ANP32A: variants seen among roughly 807,000 people sequenced by gnomAD.
ANP32A encodes acidic nuclear phosphoprotein 32 family member A.
Under a neutral mutation model 33.9 loss-of-function variants are expected in ANP32A, and 1 was observed. That is an observed-to-expected ratio of 0.03 (90% CI 0.01 to 0.14). The LOEUF is 0.14. Ranked by LOEUF, ANP32A falls within the 10% of genes least tolerant of loss-of-function variation. The probability of loss-of-function intolerance (pLI) is 1.00; values close to 1 mark genes in which losing one functional copy is unlikely to be tolerated. For missense variants in ANP32A, 155 were observed against 306.0 expected (o/e 0.51, Z 3.68); for synonymous variants, 115 against 120.5 (o/e 0.95, Z 0.30).
intron 3 of ANP32A, among the ~76,000 whole-genome samples, chr15:68,785,562 C>A (rs1893921117): frequency 6.6e-6 from 1 of 152,158 alleles, no homozygotes; most frequent in South Asian, 2.1e-4. Context: ...GCAGTTGAGA[C>A]CTGGGTCATT....
At chr15:68,787,228 T>C in intron 3 of ANP32A, 185 bp downstream of exon 3, 1 of 811,862 alleles carries the variant, frequency 1.2e-6, no homozygotes, top group Non-Finnish European at 1.9e-6. Context: ...TCAAGGTATT[T>C]AACTTCTCTG....
intron 1 of ANP32A, among the ~76,000 whole-genome samples, chr15:68,811,063 GAAA>G (rs34026847): frequency 2.5e-5 from 3 of 118,038 alleles, no homozygotes; most frequent in East Asian, 4.8e-4. Context: ...CTCTGTCTGG[GAAA>G]AAAAAAAAAA....
Position 68,820,632 on chromosome 15 carries a change from G to GCACACACACA in ANP32A, c.54+56_54+65dup, listed in dbSNP as rs35802209. The GCACACACACA allele has an allele frequency of 1.6e-5, 15 of 944,410 alleles. No individual in the cohort carries two copies. The Admixed American group carries it at 3.3e-4, about 21-fold the overall frequency. The allele number at this position is 944,410 out of a possible 1,614,324, so 58.5% of individuals were successfully genotyped here. On this transcript the variant is annotated intron_variant, in intron 1 of 6. Transcript: ENST00000465139. The stretch of plus-strand genomic sequence containing the variant: ...CAAAAAAAGTGCCTCCCCCCAGCGC[G>GCACACACACA]CACACACACACACACACACAAAGTA...
At chr15:68,817,636 G>C (rs1894401782) in intron 1 of ANP32A, 1 of 152,266 alleles carries the variant, frequency 6.6e-6, no homozygotes, top group African/African-American at 2.4e-5. Flanking sequence ...GCCTGCAGGA[G>C]GAACGGCGAA....
rs368410827 is a variant in ANP32A, at chr15:68,787,545, G to T, written c.205-10C>A. 21 of 1,614,122 alleles carry T rather than the reference G, an allele frequency of 1.3e-5. No homozygotes were observed. The African/African-American group carries it at 2.7e-4, about 20-fold the overall frequency. On this transcript the variant is annotated splice_polypyrimidine_tract_variant and intron_variant, in intron 2 of 6. Coordinates refer to ENST00000465139, the MANE Select transcript of ANP32A (RefSeq NM_006305.4). ...TATCGCTTAGTTCAAGCTAAATAAGGCAGGGAAAGAAAAAGCAGAAACAGC... is the reference window on the plus strand; with the variant it reads ...TATCGCTTAGTTCAAGCTAAATAAGTCAGGGAAAGAAAAAGCAGAAACAGC...
intron 1 of ANP32A, among the ~76,000 whole-genome samples, chr15:68,819,064 G>A (rs1271274408): frequency 6.6e-6 from 1 of 152,222 alleles, no homozygotes; most frequent in Non-Finnish European, 1.5e-5. Context: ...AAAGGATCTT[G>A]TTTTCAAAAG....
intron 1 of ANP32A, chr15:68,790,239 T>C (rs565487743): frequency 6.6e-6 from 1 of 152,360 alleles, no homozygotes; most frequent in East Asian, 1.9e-4. Context: ...ATGCGGTTTT[T>C]CTAGACGGGT....
At chr15:68,819,026 T>C (rs1894432972) in intron 1 of ANP32A, among the ~76,000 whole-genome samples, 1 of 152,196 alleles carries the variant, frequency 6.6e-6, no homozygotes, top group Non-Finnish European at 1.5e-5. Context: ...AGTCCACAGC[T>C]GCGTTAAGGC....
At chr15:68,783,100 G>C in intron 4 of ANP32A, 47 bp from the exon 5 acceptor site, 1 of 1,549,812 alleles carries the variant, frequency 6.5e-7, no homozygotes, top group Non-Finnish European at 8.7e-7. Flanking sequence ...TGGTGAGCTG[G>C]CTCCGCCCCC....
chr15:68,820,878 G>A lies in ANP32A; in HGVS notation c.-127C>T. The A allele has an allele frequency of 1.8e-6, 2 of 1,129,112 alleles. No individual in the cohort carries two copies. The highest frequency in any genetic ancestry group is 2.6e-6 in the Non-Finnish European group (2 of 774,302). 69.9% of individuals were successfully genotyped at this position (1,129,112 alleles called of 1,614,324 possible). A position where few individuals can be genotyped will look rare whatever the true frequency, so the allele number is the denominator to read the frequency against. ...GCTCCGCTCGGTTCTCGAGCCCCCA[G>A]CACCCGCGGCGCACACTAACCTGAT... On this transcript the variant is annotated 5_prime_UTR_variant, in exon 1 of 7. Transcript: ENST00000465139.
intron 1 of ANP32A, among the ~76,000 whole-genome samples, chr15:68,799,424 G>C (rs1894102495): frequency 6.6e-6 from 1 of 152,134 alleles, no homozygotes; most frequent in Non-Finnish European, 1.5e-5. Context: ...TTTAAAAAGA[G>C]TGCAGGTTGA....
intron 1 of ANP32A, among the ~76,000 whole-genome samples, chr15:68,812,418 T>C (rs915421621): frequency 1.3e-5 from 2 of 152,000 alleles, no homozygotes; most frequent in African/African-American, 2.4e-5. Flanking sequence ...ACCAGGAACG[T>C]TGGAAGGCAC....
In ANP32A at chr15:68,807,358, GA is replaced by G. The variant is rs550697137; in HGVS notation, c.54+13339del. Among the ~76,000 whole-genome samples, 464 of 145,410 alleles carry G rather than the reference GA, an allele frequency of 3.2e-3. 1 individual carries two copies. Among genetic ancestry groups the G allele is most frequent in the African/African-American group, 0.011 (453 of 41,026 alleles). ...AGCCAGCGCGACAGCCCCCACCCCA[GA>G]AGAGGCCCGGGGCAAGGGGATGCCT... On this transcript the variant is annotated intron_variant, in intron 1 of 6. Coordinates refer to ENST00000465139, the MANE Select transcript of ANP32A (RefSeq NM_006305.4).
chr15:68,805,351 G>A (rs923294894), intron 1 of ANP32A, among the ~76,000 whole-genome samples: 4 of 152,206 alleles, frequency 2.6e-5, no homozygotes, highest in African/African-American at 9.6e-5. Context: ...TGCCTTACCT[G>A]GAGGGCTGAT....
intron 1 of ANP32A, chr15:68,812,853 G>A (rs1007230421): frequency 1.3e-5 from 2 of 152,154 alleles, no homozygotes; most frequent in South Asian, 2.1e-4. Flanking sequence ...CAGAAAGTTC[G>A]AAAGCCACTG....
chr15:68,799,597 T>C (rs755139392), intron 1 of ANP32A, among the ~76,000 whole-genome samples: 8 of 152,156 alleles, frequency 5.3e-5, no homozygotes, highest in Non-Finnish European at 8.8e-5. Flanking sequence ...CAGAGGCTCA[T>C]GAAGGAGGCT....
intron 1 of ANP32A, among the ~76,000 whole-genome samples, chr15:68,798,458 A>C (rs1352286775): frequency 6.6e-6 from 1 of 152,174 alleles, no homozygotes; most frequent in East Asian, 1.9e-4. Flanking sequence ...GGACCCCATC[A>C]ATGCCACTTT....
chr15:68,794,103 C>T (rs1407366461), intron 1 of ANP32A, among the ~76,000 whole-genome samples: 1 of 152,186 alleles, frequency 6.6e-6, no homozygotes, highest in African/African-American at 2.4e-5. Context: ...TGTCCATCAC[C>T]TAGGGTTGGA....
At position 68,802,899 on chromosome 15, in the gene ANP32A, C is replaced by A. The variant is rs1596071358; in HGVS notation, c.55-14980G>T. 3.3e-5 allele frequency among the ~76,000 whole-genome samples: 5 copies of A among 152,244 alleles called. No homozygotes were observed. In the South Asian group the frequency reaches 1.0e-3, roughly 32 times the overall value. On this transcript the variant is annotated intron_variant, in intron 1 of 6. Coordinates refer to ENST00000465139, the MANE Select transcript of ANP32A (RefSeq NM_006305.4). ...GAACTCCTGACCTCAGGTGATCCACCCACCTTGGCCTCCCAAAGTGCTGGG... is the reference window on the plus strand; with the variant it reads ...GAACTCCTGACCTCAGGTGATCCACACACCTTGGCCTCCCAAAGTGCTGGG...
Sources: gnomAD v4.1 joint callset for allele counts (sites outside exome capture counted in the v4.1 genomes callset) on GRCh38, gnomAD v4.1.1 for gene constraint, MANE v1.5 for transcripts, NCBI Gene and HGNC (gene_info 2026-07-23, HGNC 2026-07-21) for gene names.